The following TNNT2 variants were observed in gnomAD, a reference collection of about 807,000 sequenced individuals.
TNNT2 encodes troponin T, cardiac muscle.
In TNNT2, 34 loss-of-function variants were observed where a neutral mutation model predicts 62.4. The observed-to-expected ratio is 0.54, with a 90% CI of 0.41 to 0.72. The LOEUF (loss-of-function observed/expected upper bound fraction) is 0.72, where lower values mean the gene tolerates loss of function less well. Among genes scored for constraint, TNNT2 ranks in the 30% least tolerant of loss-of-function variants. The probability of loss-of-function intolerance (pLI) is 0.00; values close to 1 mark genes in which losing one functional copy is unlikely to be tolerated. For synonymous variants in TNNT2, 123 were observed against 127.2 expected (o/e 0.97, Z 0.22); for missense variants, 275 against 381.9 (o/e 0.72, Z 2.33).
chr1:201,363,690 C>G, intron 11 of TNNT2: 1 of 455,574 alleles, frequency 2.2e-6, no homozygotes, highest in South Asian at 2.1e-5. Context: ...ATGCCTTCAG[C>G]AGCTGCACAG....
At chr1:201,370,012 G>C (rs548152582) in intron 4 of TNNT2, among the ~76,000 whole-genome samples, 167 bp from the exon 5 acceptor site, 1 of 152,138 alleles carries the variant, frequency 6.6e-6, no homozygotes, top group Non-Finnish European at 1.5e-5. Flanking sequence ...CAGCAACAGG[G>C]GCAACTCTCA....
In TNNT2 at chr1:201,368,149, A is replaced by G. The variant is rs527486692; in HGVS notation, c.163+13T>C. ...ACCCCCTGAGGCCCCTGCACCCTCA[A>G]CCAGAGACTTACCTTCTGCCCTGGT... is the stretch of plus-strand genomic sequence containing the variant. On this transcript the variant is annotated intron_variant, in intron 6 of 16. Coordinates refer to ENST00000656932, the MANE Select transcript of TNNT2 (RefSeq NM_001276345.2). 1.9e-6 allele frequency: 3 copies of G among 1,613,972 alleles called. No homozygotes were observed. The highest frequency in any genetic ancestry group is 1.3e-5 in the African/African-American group (1 of 75,006).
chr1:201,372,825 G>T (rs1212463218), intron 2 of TNNT2, among the ~76,000 whole-genome samples: 1 of 152,224 alleles, frequency 6.6e-6, no homozygotes, highest in Non-Finnish European at 1.5e-5. Flanking sequence ...AAGACAGGGT[G>T]ATAACACTGG....
chr1:201,366,096 C>A, intron 8 of TNNT2: 1 of 1,122,208 alleles, frequency 8.9e-7, no homozygotes, highest in Non-Finnish European at 1.1e-6. Context: ...GGTCCTGGTC[C>A]CAACACATAC....
chr1:201,376,325 C>G (rs79428841), intron 1 of TNNT2, among the ~76,000 whole-genome samples: 8,420 of 152,254 alleles, frequency 0.055, 296 homozygotes, highest in Middle Eastern at 0.11. Context: ...AGTCACCTAG[C>G]CTCTCTGACT....
intron 15 of TNNT2, 153 bp downstream of exon 15, chr1:201,361,126 G>A: frequency 1.3e-6 from 1 of 796,064 alleles, no homozygotes; most frequent in Non-Finnish European, 2.2e-6. Context: ...GAACACTGCT[G>A]AAGGCCAGGC....
intron 12 of TNNT2, chr1:201,363,090 C>T (rs527285317): frequency 5.1e-6 from 5 of 985,124 alleles, no homozygotes; most frequent in East Asian, 2.3e-4. Flanking sequence ...CTGTAGCCCC[C>T]TACCCCAGCA....
chr1:201,365,952 G>C (rs1659588334), intron 8 of TNNT2: 7 of 1,293,952 alleles, frequency 5.4e-6, no homozygotes, highest in Non-Finnish European at 7.0e-6. Flanking sequence ...GAGGCTCAGG[G>C]AGGTAGAATG....
chr1:201,373,182 C>T (rs771105833), intron 2 of TNNT2, 32 bp downstream of exon 2: 398 of 1,612,114 alleles, frequency 2.5e-4, no homozygotes, highest in Non-Finnish European at 3.3e-4. Context: ...CGGGAGAGGA[C>T]CCCACTCAGG....
Position 201,359,977 on chromosome 1 carries a change from A to G in TNNT2, c.811-314T>C, listed in dbSNP as rs570539198. Among the ~76,000 whole-genome samples, 9 of 152,258 alleles carry G rather than the reference A, an allele frequency of 5.9e-5. No homozygotes were observed. The South Asian group carries it at 1.7e-3, about 28-fold the overall frequency. On this transcript the variant is annotated intron_variant, in intron 15 of 16. Coordinates refer to ENST00000656932, the MANE Select transcript of TNNT2 (RefSeq NM_001276345.2). ...TGGGCACAAAGCTGGAGGCTGTGTC[A>G]TGGAGCCCTCCTAGCAGCCCAGCCC... is the stretch of plus-strand genomic sequence containing the variant.
rs892890040 is a variant in TNNT2, at chr1:201,377,066, C to T, written c.-15+557G>A. 2.0e-5 allele frequency among the ~76,000 whole-genome samples: 3 copies of T among 152,196 alleles called. No individual in the cohort carries two copies. In the South Asian group the frequency reaches 6.2e-4, roughly 31 times the overall value. On this transcript the variant is annotated intron_variant, in intron 1 of 16. Transcript: ENST00000656932. ...CTGCAGAGGACCCTGCACATCTGGTCGTTCTCAGTACTTCCAGGACAGTTT... is the reference window on the plus strand; with the variant it reads ...CTGCAGAGGACCCTGCACATCTGGTTGTTCTCAGTACTTCCAGGACAGTTT...
At position 201,365,179 on chromosome 1, in the gene TNNT2, C is replaced by T; in HGVS notation, c.411+12G>A. ...CATCAGAGAATGTTAGGTGGGCAGA[C>T]TGGACACCTACGATCCTGTCTTTGA... On this transcript the variant is annotated intron_variant, in intron 10 of 16. Coordinates refer to ENST00000656932, the MANE Select transcript of TNNT2 (RefSeq NM_001276345.2). 6.2e-7 allele frequency: 1 copy of T among 1,605,618 alleles called. No individual in the cohort carries two copies. The highest frequency in any genetic ancestry group is 8.5e-7 in the Non-Finnish European group (1 of 1,172,246).
intron 5 of TNNT2, chr1:201,368,451 T>G (rs1248620283): frequency 1.6e-6 from 1 of 623,264 alleles, no homozygotes; most frequent in East Asian, 3.4e-5. Flanking sequence ...GCAACCTCCC[T>G]GATGATGGGA....
At chr1:201,374,469 G>A (rs1196577978) in intron 1 of TNNT2, 1 of 152,162 alleles carries the variant, frequency 6.6e-6, no homozygotes, top group African/African-American at 2.4e-5. Flanking sequence ...TCTTTACGAG[G>A]CTCCAGTTGA....
In TNNT2 at chr1:201,373,222, G is replaced by A. The variant is rs148027842; in HGVS notation, c.33C>T (p.Tyr11=). ...ATGCTCCAGATACTCACTCCTCCTC[G>A]TACTCTTCCACCACCTCTTCTATGT... MSDIEEVVEE[Y]EEEEQEEAAV... The change falls in exon 2 of 17, where the codon TAC becomes TAT. Residue 11 remains tyrosine, a synonymous_variant. Coordinates refer to ENST00000656932, the MANE Select transcript of TNNT2 (RefSeq NM_001276345.2). The A allele has an allele frequency of 1.8e-5, 29 of 1,613,962 alleles. No homozygotes were observed. Among genetic ancestry groups the A allele is most frequent in the Middle Eastern group, 1.6e-4 (1 of 6,082 alleles).
intron 1 of TNNT2, chr1:201,375,428 C>G (rs528462093): frequency 6.6e-6 from 1 of 152,134 alleles, no homozygotes; most frequent in South Asian, 2.1e-4. Context: ...AGCTCTGAAC[C>G]GCAGCTCTGA....
intron 1 of TNNT2, chr1:201,373,621 G>C: frequency 2.8e-6 from 1 of 355,076 alleles, no homozygotes; most frequent in South Asian, 2.5e-5. Context: ...GTTCAGCACT[G>C]TACAAATCTT....
intron 4 of TNNT2, among the ~76,000 whole-genome samples, chr1:201,370,261 A>G (rs2102298231): frequency 6.6e-6 from 1 of 152,286 alleles, no homozygotes; most frequent in Admixed American, 6.5e-5. Flanking sequence ...CTCTTCCATC[A>G]AATTTCCTGC....
intron 4 of TNNT2, among the ~76,000 whole-genome samples, chr1:201,371,348 G>A (rs571777314): frequency 3.3e-5 from 5 of 152,182 alleles, no homozygotes; most frequent in Admixed American, 6.5e-5. Context: ...TGGGTTAACC[G>A]ATCAGCATAG....
Sources: gnomAD v4.1 joint callset for allele counts (sites outside exome capture counted in the v4.1 genomes callset) on GRCh38, gnomAD v4.1.1 for gene constraint, MANE v1.5 for transcripts, NCBI Gene and HGNC (gene_info 2026-07-23, HGNC 2026-07-21) for gene names.